ATP8B4: variants seen among roughly 807,000 people sequenced by gnomAD.
ATP8B4 encodes the protein ATPase phospholipid transporting 8B4 (putative).
A neutral mutation model predicts 145.6 loss-of-function variants in ATP8B4; 133 were observed. The observed-to-expected ratio is 0.91, with a 90% CI of 0.79 to 1.05. ATP8B4 has a LOEUF of 1.05. Among genes scored for constraint, ATP8B4 ranks in the 50% least tolerant of loss-of-function variants. The probability of loss-of-function intolerance (pLI) is 0.00; values close to 1 mark genes in which losing one functional copy is unlikely to be tolerated. For missense variants in ATP8B4, 1,458 were observed against 1,425.2 expected, an observed-to-expected ratio of 1.02 and a Z score of -0.37; for synonymous variants, 507 against 492.9, an observed-to-expected ratio of 1.03 and a Z score of -0.38.
chr15:49,937,715 AC>A (rs1161456894), intron 14 of ATP8B4, among the ~76,000 whole-genome samples: 1 of 152,224 alleles, frequency 6.6e-6, no homozygotes, highest in African/African-American at 2.4e-5. Context: ...TTATGAAAAG[AC>A]AAAAATATTA....
chr15:50,132,800 G>A (rs2044066287), intron 1 of ATP8B4, among the ~76,000 whole-genome samples: 1 of 152,192 alleles, frequency 6.6e-6, no homozygotes, highest in African/African-American at 2.4e-5. Context: ...ATGAGTTCAT[G>A]TCCTTTGCAG....
At chr15:50,055,937 C>T (rs1351503585) in intron 3 of ATP8B4, among the ~76,000 whole-genome samples, 2 of 152,160 alleles carry the variant, frequency 1.3e-5, no homozygotes, top group Non-Finnish European at 2.9e-5. Context: ...CCTGGTAGTT[C>T]CTCAGTATCA....
At chr15:49,921,123 A>C (rs1367385700) in intron 17 of ATP8B4, among the ~76,000 whole-genome samples, 1 of 152,144 alleles carries the variant, frequency 6.6e-6, no homozygotes, top group Non-Finnish European at 1.5e-5. Flanking sequence ...AAGCTAATAT[A>C]GGTGGTTGCT....
chr15:49,952,855 G>C (rs1293331110), intron 14 of ATP8B4, among the ~76,000 whole-genome samples: 1 of 152,038 alleles, frequency 6.6e-6, no homozygotes, highest in African/African-American at 2.4e-5. Flanking sequence ...TTTGGTCTTT[G>C]AGGCTGCTGA....
intron 1 of ATP8B4, among the ~76,000 whole-genome samples, chr15:50,143,325 C>T (rs1359555866): frequency 6.6e-6 from 1 of 152,192 alleles, no homozygotes; most frequent in Non-Finnish European, 1.5e-5. Flanking sequence ...CACCCAGGGG[C>T]TTGACTGGGG....
intron 3 of ATP8B4, among the ~76,000 whole-genome samples, chr15:50,050,089 T>C (rs535612836): frequency 3.7e-4 from 56 of 152,338 alleles, no homozygotes; most frequent in Admixed American, 1.1e-3. Context: ...AAATATTTAT[T>C]CTGACTCAGA....
intron 2 of ATP8B4, among the ~76,000 whole-genome samples, chr15:50,084,428 C>G (rs1487074483): frequency 6.6e-6 from 1 of 152,178 alleles, no homozygotes; most frequent in Non-Finnish European, 1.5e-5. Flanking sequence ...CTCCTCTGCA[C>G]ACACCCTGGT....
At chr15:50,072,057 T>C (rs1227439674) in intron 3 of ATP8B4, among the ~76,000 whole-genome samples, 1 of 151,004 alleles carries the variant, frequency 6.6e-6, no homozygotes, top group Non-Finnish European at 1.5e-5. Context: ...AATTAATTAA[T>C]AATTGATTAA....
In ATP8B4 at chr15:50,074,184, T is replaced by C. The variant is rs1337420934; in HGVS notation, c.30A>G (p.Glu10=). 1 of 1,609,418 alleles carries C rather than the reference T, an allele frequency of 6.2e-7. No individual in the cohort carries two copies. Among genetic ancestry groups the C allele is most frequent in the African/African-American group, 1.3e-5 (1 of 74,784 alleles). MFCSEKKLR[E]VERIVKANDR... ...CATTGGCTTTCACTATCCGTTCCAC[T>C]TCTAAAGAGAGAGAAATCAAGTATG... The change falls in exon 3 of 28, where the codon GAA becomes GAG. Residue 10 remains glutamate (E), a splice_region_variant and synonymous_variant. Transcript: ENST00000284509.
At chr15:50,172,832 A>G (rs1327955892) in intron 1 of ATP8B4, among the ~76,000 whole-genome samples, 2 of 145,358 alleles carry the variant, frequency 1.4e-5, no homozygotes, top group Non-Finnish European at 1.5e-5. Context: ...CTGCCCCGCC[A>G]CCACCCCGTC....
chr15:49,981,540 G>C (rs2046157473), intron 10 of ATP8B4, among the ~76,000 whole-genome samples: 1 of 152,086 alleles, frequency 6.6e-6, no homozygotes. Flanking sequence ...GTAGTTGAAA[G>C]GTTTAAGTGA....
chr15:50,151,235 G>A (rs2044343118), intron 1 of ATP8B4, among the ~76,000 whole-genome samples: 1 of 152,212 alleles, frequency 6.6e-6, no homozygotes, highest in Non-Finnish European at 1.5e-5. Context: ...AATGCACAGA[G>A]TTACAATGTA....
At chr15:50,080,484 T>C (rs1182662144) in intron 2 of ATP8B4, among the ~76,000 whole-genome samples, 1 of 152,198 alleles carries the variant, frequency 6.6e-6, no homozygotes, top group South Asian at 2.1e-4. Flanking sequence ...TATCCACTTA[T>C]GCTTGTCTTT....
chr15:49,910,126 GA>G (rs2039078343), intron 20 of ATP8B4, among the ~76,000 whole-genome samples: 1 of 152,226 alleles, frequency 6.6e-6, no homozygotes, highest in Non-Finnish European at 1.5e-5. Context: ...ATATGATTGA[GA>G]AATTTACCAA....
intron 4 of ATP8B4, among the ~76,000 whole-genome samples, chr15:50,045,520 G>T (rs763976502): frequency 8.5e-5 from 13 of 152,114 alleles, no homozygotes; most frequent in Middle Eastern, 6.8e-3. Context: ...GAAAGGATGG[G>T]GTAGAGACGG....
At chr15:50,075,194 G>A (rs989059642) in intron 2 of ATP8B4, among the ~76,000 whole-genome samples, 2 of 152,088 alleles carry the variant, frequency 1.3e-5, no homozygotes, top group South Asian at 2.1e-4. Context: ...GGAGACACGT[G>A]TTGGGGATGG....
At chr15:50,126,852 C>T (rs2153678519) in intron 1 of ATP8B4, among the ~76,000 whole-genome samples, 1 of 151,492 alleles carries the variant, frequency 6.6e-6, no homozygotes. Context: ...CAGAAACCTG[C>T]CCACAGCCCC....
chr15:50,067,722 C>A (rs1233695560), intron 3 of ATP8B4, among the ~76,000 whole-genome samples: 4 of 152,134 alleles, frequency 2.6e-5, no homozygotes, highest in African/African-American at 9.7e-5. Context: ...TAGCACTCAA[C>A]ACACTGCTAG....
chr15:50,065,823 T>C (rs1344087937), intron 3 of ATP8B4, among the ~76,000 whole-genome samples: 1 of 152,108 alleles, frequency 6.6e-6, no homozygotes, highest in African/African-American at 2.4e-5. Context: ...AATCTGTTTT[T>C]TTAACTTAAA....
Sources: allele counts gnomAD v4.1 joint callset (sites outside exome capture counted in the v4.1 genomes callset), GRCh38; gene constraint gnomAD v4.1.1; transcripts MANE v1.5; gene names NCBI Gene and HGNC (gene_info 2026-07-23, HGNC 2026-07-21).